KAZN: variants seen among roughly 807,000 people sequenced by gnomAD.
KAZN encodes kazrin, periplakin interacting protein.
Under a neutral mutation model 87.4 loss-of-function variants are expected in KAZN, and 40 were observed. That is an observed-to-expected ratio of 0.46 (90% CI 0.36 to 0.60). The LOEUF (loss-of-function observed/expected upper bound fraction) is 0.60. KAZN is among the 20% of genes least tolerant of loss of function. The pLI, the probability that KAZN is intolerant of heterozygous loss-of-function variation, is 0.00. For missense variants in KAZN, 898 were observed against 1,073.9 expected, an observed-to-expected ratio of 0.84 and a Z score of 2.29; for synonymous variants, 466 against 458.3, an observed-to-expected ratio of 1.02 and a Z score of -0.22.
chr1:14,404,108 A>G (rs947255046), intron 2 of KAZN, among the ~76,000 whole-genome samples: 36 of 152,198 alleles, frequency 2.4e-4, no homozygotes, highest in Non-Finnish European at 4.6e-4. Flanking sequence ...TGCCGTTTGC[A>G]TAACACGGGA....
At chr1:14,382,152 C>T (rs1421615677) in intron 2 of KAZN, among the ~76,000 whole-genome samples, 1 of 151,868 alleles carries the variant, frequency 6.6e-6, no homozygotes, top group Admixed American at 6.6e-5. Context: ...AATATTGATG[C>T]AAGAAATTGA....
At chr1:14,039,155 G>C (rs1044625828) in intron 1 of KAZN, among the ~76,000 whole-genome samples, 1 of 135,568 alleles carries the variant, frequency 7.4e-6, no homozygotes, top group Admixed American at 7.8e-5. Flanking sequence ...TGGCGTCAGA[G>C]TGAGACTCTG....
chr1:14,584,766 T>C (rs887418993), intron 2 of KAZN, among the ~76,000 whole-genome samples: 1 of 151,952 alleles, frequency 6.6e-6, no homozygotes, highest in African/African-American at 2.4e-5. Flanking sequence ...TGCCTCAACC[T>C]CCCGAGTAGC....
At chr1:14,013,817 G>A (rs535517368) in intron 1 of KAZN, among the ~76,000 whole-genome samples, 1 of 152,298 alleles carries the variant, frequency 6.6e-6, no homozygotes, top group South Asian at 2.1e-4. Context: ...CCTCTCTAGA[G>A]AGACAAGATT....
chr1:15,046,391 C>G (rs1673530040), intron 4 of KAZN, among the ~76,000 whole-genome samples: 1 of 151,800 alleles, frequency 6.6e-6, no homozygotes, highest in Admixed American at 6.6e-5. Context: ...TCCTCGTTGT[C>G]TTCACGCTGA....
upstream of KAZN, among the ~76,000 whole-genome samples, chr1:14,598,239 CT>C (rs1164752324): frequency 6.6e-6 from 1 of 152,116 alleles, no homozygotes; most frequent in African/African-American, 2.4e-5. This position sits in a 1 kb window ranked among gnomAD's most constrained non-coding sequence, Gnocchi z 4.2. Context: ...CAGCTCCCCT[CT>C]GGGGATTTCG....
intron 1 of KAZN, among the ~76,000 whole-genome samples, chr1:14,026,524 GC>G (rs1459759668): frequency 6.6e-6 from 1 of 152,120 alleles, no homozygotes; most frequent in Non-Finnish European, 1.5e-5. Context: ...GCTACCTGAG[GC>G]AGGGCAAAGT....
chr1:14,527,572 AGG>A (rs1671953982), intron 2 of KAZN, among the ~76,000 whole-genome samples: 1 of 149,962 alleles, frequency 6.7e-6, no homozygotes, highest in East Asian at 2.0e-4. Flanking sequence ...AAAACGATAC[AGG>A]TTTATCTGGC....
At chr1:14,628,020 C>G (rs1164719992) in intron 1 of KAZN, among the ~76,000 whole-genome samples, 1 of 152,202 alleles carries the variant, frequency 6.6e-6, no homozygotes, top group African/African-American at 2.4e-5. Flanking sequence ...CCTTCTCACC[C>G]TCTCTTTCCC....
intron 2 of KAZN, among the ~76,000 whole-genome samples, chr1:14,405,606 A>ATATGTGTGTGTGTG (rs760881462): frequency 1.2e-3 from 162 of 136,326 alleles, no homozygotes; most frequent in African/African-American, 4.2e-3. Flanking sequence ...ACCCAATAAA[A>ATATGTGTGTGTGTG]TGTGTGTGTG....
intron 1 of KAZN, among the ~76,000 whole-genome samples, chr1:14,060,959 TG>T (rs1234659162): frequency 6.6e-6 from 1 of 152,202 alleles, no homozygotes; most frequent in Non-Finnish European, 1.5e-5. Flanking sequence ...ACTGGAGACT[TG>T]GGGTCAAGAC....
chr1:14,858,237 A>C (rs1650403178), intron 1 of KAZN, among the ~76,000 whole-genome samples: 3 of 56,758 alleles, frequency 5.3e-5, no homozygotes, highest in Admixed American at 1.4e-4. Flanking sequence ...TTTTGAGACA[A>C]AGTCTCACTC....
intron 2 of KAZN, among the ~76,000 whole-genome samples, chr1:14,477,598 G>A (rs188280275): frequency 2.6e-5 from 4 of 152,212 alleles, no homozygotes; most frequent in African/African-American, 9.6e-5. Context: ...CCAGCCACTT[G>A]GTTCACATAG....
At chr1:13,915,063 A>G (rs1639793236) in intron 1 of KAZN, among the ~76,000 whole-genome samples, 1 of 152,222 alleles carries the variant, frequency 6.6e-6, no homozygotes, top group Non-Finnish European at 1.5e-5. Flanking sequence ...ACACAGTAAT[A>G]GAAAACATAC....
chr1:14,662,952 T>C (rs1639287491), intron 1 of KAZN, among the ~76,000 whole-genome samples: 2 of 145,496 alleles, frequency 1.4e-5, no homozygotes, highest in Admixed American at 1.4e-4. Context: ...TAAATATATA[T>C]ATATATGCAC....
intron 1 of KAZN, among the ~76,000 whole-genome samples, chr1:14,860,637 T>A (rs1399736161): frequency 6.6e-6 from 1 of 152,210 alleles, no homozygotes; most frequent in East Asian, 1.9e-4. Context: ...CCAGGGACAT[T>A]TGAAAGAAAA....
intron 1 of KAZN, among the ~76,000 whole-genome samples, chr1:14,170,174 A>T (rs755689884): frequency 6.6e-6 from 1 of 152,184 alleles, no homozygotes; most frequent in South Asian, 2.1e-4. Context: ...TCAGAGCCCA[A>T]TTCAGGCACC....
intron 2 of KAZN, among the ~76,000 whole-genome samples, chr1:15,007,922 G>A (rs1669196577): frequency 6.6e-6 from 1 of 152,208 alleles, no homozygotes; most frequent in Non-Finnish European, 1.5e-5. Flanking sequence ...CACAGGAAGG[G>A]AGCCGTGCCG....
At chr1:14,776,306 C>T (rs936523171) in intron 1 of KAZN, among the ~76,000 whole-genome samples, 8 of 152,138 alleles carry the variant, frequency 5.3e-5, no homozygotes, top group Non-Finnish European at 8.8e-5. Flanking sequence ...ACCTGGACTC[C>T]GTTGTGGGAT....
Sources: allele counts gnomAD v4.1 joint callset (sites outside exome capture counted in the v4.1 genomes callset), GRCh38; gene constraint gnomAD v4.1.1; non-coding constraint Gnocchi (gnomAD v3.1); transcripts MANE v1.5; gene names NCBI Gene and HGNC (gene_info 2026-07-23, HGNC 2026-07-21).